The following SLC35D4 variants were observed in gnomAD, a reference collection of about 807,000 sequenced individuals.
SLC35D4 encodes UDP-N-acetylglucosamine transporter SLC35D4.
At chr18:23,351,399 C>A in the SLC35D4 span, among the ~76,000 whole-genome samples, 1 of 145,944 alleles carries the variant, frequency 6.9e-6, no homozygotes, top group East Asian at 2.0e-4. Context: ...AGAGTAAGAC[C>A]CTGTCTCAAA....
chr18:23,341,840 C>T, the SLC35D4 span, among the ~76,000 whole-genome samples: 1 of 152,010 alleles, frequency 6.6e-6, no homozygotes, highest in South Asian at 2.1e-4. Context: ...AGCATTAAAC[C>T]ACAGCAGCCA....
At chr18:23,353,654 T>G in the SLC35D4 span, among the ~76,000 whole-genome samples, 1 of 152,182 alleles carries the variant, frequency 6.6e-6, no homozygotes, top group Non-Finnish European at 1.5e-5. Context: ...TGTTCCAATT[T>G]GCATCAGCAG....
chr18:23,291,904 C>T, the SLC35D4 span, among the ~76,000 whole-genome samples: 3 of 152,198 alleles, frequency 2.0e-5, no homozygotes, highest in Non-Finnish European at 2.9e-5. Context: ...GGGACACAGC[C>T]TGAAGCCAGG....
chr18:23,397,723 AG>A, the SLC35D4 span, among the ~76,000 whole-genome samples: 1 of 152,208 alleles, frequency 6.6e-6, no homozygotes, highest in South Asian at 2.1e-4. Context: ...TTGGCCCTAA[AG>A]AAACAATTCT....
chr18:23,257,143 T>C, the SLC35D4 span: 1 of 1,482,080 alleles, frequency 6.7e-7, no homozygotes, highest in South Asian at 1.2e-5. Flanking sequence ...ACTCACTGGC[T>C]GGTGGATAGA....
chr18:23,267,447 T>C, the SLC35D4 span, among the ~76,000 whole-genome samples: 1 of 152,074 alleles, frequency 6.6e-6, no homozygotes, highest in Non-Finnish European at 1.5e-5. Flanking sequence ...CTCTAGGTTG[T>C]TCTGCACTCC....
At chr18:23,339,696 G>T in the SLC35D4 span, among the ~76,000 whole-genome samples, 6 of 152,208 alleles carry the variant, frequency 3.9e-5, no homozygotes, top group African/African-American at 1.4e-4. Flanking sequence ...CTGGAGGCTG[G>T]TAAGGCCAAG....
At chr18:23,322,059 C>T in the SLC35D4 span, among the ~76,000 whole-genome samples, 1 of 152,236 alleles carries the variant, frequency 6.6e-6, no homozygotes, top group African/African-American at 2.4e-5. Flanking sequence ...ATCATTTCAA[C>T]ATCTTCCAAG....
the SLC35D4 span, chr18:23,296,996 G>C: frequency 1.3e-5 from 2 of 152,108 alleles, no homozygotes; most frequent in Non-Finnish European, 2.9e-5. Flanking sequence ...TAAAATGCTC[G>C]TACGCAGGTG....
At chr18:23,291,595 A>C in the SLC35D4 span, among the ~76,000 whole-genome samples, 2 of 152,166 alleles carry the variant, frequency 1.3e-5, no homozygotes, top group African/African-American at 4.8e-5. Context: ...GCCAGCTGCA[A>C]GGCTGGGCTC....
chr18:23,279,443 A>C, the SLC35D4 span, among the ~76,000 whole-genome samples: 1 of 152,228 alleles, frequency 6.6e-6, no homozygotes, highest in Non-Finnish European at 1.5e-5. Context: ...ACTGAGTGCT[A>C]TGAGTCCCCT....
chr18:23,418,662 A>T, the SLC35D4 span, among the ~76,000 whole-genome samples: 1 of 151,392 alleles, frequency 6.6e-6, no homozygotes, highest in Non-Finnish European at 1.5e-5. Context: ...TATTAATATT[A>T]TGCTGAATAT....
chr18:23,391,161 TGCAGTGAGCCAAGATGGCACCA>T, the SLC35D4 span, among the ~76,000 whole-genome samples: 1 of 149,442 alleles, frequency 6.7e-6, no homozygotes, highest in Non-Finnish European at 1.5e-5. Flanking sequence ...AGGCAGAGCC[TGCAGTGAGCCAAGATGGCACCA>T]CTGCACTCCA....
At chr18:23,374,961 A>C in the SLC35D4 span, among the ~76,000 whole-genome samples, 1 of 152,078 alleles carries the variant, frequency 6.6e-6, no homozygotes, top group South Asian at 2.1e-4. Flanking sequence ...CTAAAAGCAC[A>C]AAAATTAGCC....
At chr18:23,381,868 G>A in the SLC35D4 span, among the ~76,000 whole-genome samples, 2 of 152,146 alleles carry the variant, frequency 1.3e-5, no homozygotes, top group Admixed American at 1.3e-4. Context: ...AAAACCCTGT[G>A]GAGATGCCTT....
chr18:23,406,354 G>C, the SLC35D4 span, among the ~76,000 whole-genome samples: 1 of 152,176 alleles, frequency 6.6e-6, no homozygotes, highest in Non-Finnish European at 1.5e-5. Flanking sequence ...TGGGAAGGAT[G>C]TACAAGTCCA....
chr18:23,411,870 T>C, the SLC35D4 span, among the ~76,000 whole-genome samples: 1 of 152,242 alleles, frequency 6.6e-6, no homozygotes, highest in Non-Finnish European at 1.5e-5. Flanking sequence ...GTTTTTCAAA[T>C]AGAGCATGCA....
chr18:23,311,162 C>T, the SLC35D4 span, among the ~76,000 whole-genome samples: 4 of 150,098 alleles, frequency 2.7e-5, no homozygotes, highest in African/African-American at 7.4e-5. Flanking sequence ...AGTGCAGTGG[C>T]GTGATCTCAG....
the SLC35D4 span, among the ~76,000 whole-genome samples, chr18:23,410,293 C>G: frequency 1.3e-5 from 2 of 151,846 alleles, no homozygotes; most frequent in African/African-American, 2.4e-5. Context: ...CTGGCTAACA[C>G]AGTGAAACCC....
Sources: allele counts gnomAD v4.1 joint callset (sites outside exome capture counted in the v4.1 genomes callset), GRCh38; gene constraint gnomAD v4.1.1; transcripts MANE v1.5; gene names NCBI Gene and HGNC (gene_info 2026-07-23, HGNC 2026-07-21).